Variants in TRIM7 observed in about 807,000 individuals in gnomAD.
TRIM7 encodes E3 ubiquitin-protein ligase TRIM7.
In TRIM7, 32 loss-of-function variants were observed where a neutral mutation model predicts 37.9. The ratio of observed to expected loss-of-function variants is 0.84; its 90% CI spans 0.64 to 1.13. The LOEUF (loss-of-function observed/expected upper bound fraction) is 1.13, where lower values mean the gene tolerates loss of function less well. TRIM7 is among the 50% of genes most tolerant of loss of function. The pLI is 0.00. For missense variants in TRIM7, 732 were observed against 714.0 expected, an observed-to-expected ratio of 1.03 and a Z score of -0.29; for synonymous variants, 351 against 321.3, an observed-to-expected ratio of 1.09 and a Z score of -0.99.
chr5:181,203,280 G>C, intron 2 of TRIM7: 2 of 1,301,682 alleles, frequency 1.5e-6, no homozygotes, highest in Non-Finnish European at 1.9e-6. Flanking sequence ...ATATCAGAGT[G>C]ACTGAGCGTC....
In TRIM7 at chr5:181,204,928, G is replaced by T. The variant is rs2113099835; in HGVS notation, c.183C>A (p.Gly61=). 2.1e-6 allele frequency: 3 copies of T among 1,405,922 alleles called. No individual in the cohort carries two copies. Among genetic ancestry groups the T allele is most frequent in the South Asian group, 1.5e-5 (1 of 65,502 alleles). 87.1% of individuals were successfully genotyped at this position (1,405,922 alleles called of 1,614,324 possible). A position where few individuals can be genotyped will look rare whatever the true frequency, so the allele number is the denominator to read the frequency against. The part of the protein sequence containing the change: ...ACIGRCWERP[G]AGSVGAATRA... ...GGGTGGCGGCCCCAACAGACCCCGC[G>T]CCCGGGCGCTCCCAGCAGCGCCCTA... The change falls in exon 1 of 7, where the codon GGC becomes GGA. Residue 61 remains glycine (G), a synonymous_variant. Coordinates refer to ENST00000274773, the MANE Select transcript of TRIM7 (RefSeq NM_203293.3).
intron 2 of TRIM7, chr5:181,200,586 T>C (rs1228759287): frequency 2.0e-6 from 2 of 1,002,806 alleles, no homozygotes; most frequent in Non-Finnish European, 2.4e-6. Flanking sequence ...TTGGGAGATG[T>C]AGGAAAGTAG....
chr5:181,195,447 G>C lies in TRIM7; in HGVS notation c.1255C>G (p.Arg419Gly), dbSNP rs762257274. The C allele has an allele frequency of 5.7e-5, 91 of 1,609,228 alleles. No individual in the cohort carries two copies. The Middle Eastern group carries it at 8.3e-4, about 15-fold the overall frequency. The change falls in exon 7 of 7, where the codon CGC becomes GGC. Residue 419 changes from arginine to glycine, a missense_variant. Arg to Gly is a moderately radical substitution (Grantham distance 125). Coordinates refer to ENST00000274773, the MANE Select transcript of TRIM7 (RefSeq NM_203293.3). The part of the protein sequence containing the change: ...WAFGVARESV[R>G]RKGLTPFTPE... ...GTGAAGGGCGTCAGGCCCTTTCGGC[G>C]CACGCTCTCGCGGGCCACGCCAAAG... is the stretch of plus-strand genomic sequence containing the variant.
chr5:181,195,710 G>T, intron 6 of TRIM7, 33 bp from the exon 7 acceptor site: 1 of 1,507,252 alleles, frequency 6.6e-7, no homozygotes, highest in South Asian at 1.3e-5. Context: ...ATGTCCCCAC[G>T]CAGCCAGGCC....
chr5:181,204,338 G>T, intron 1 of TRIM7: 2 of 1,203,670 alleles, frequency 1.7e-6, no homozygotes, highest in Non-Finnish European at 2.1e-6. Context: ...GGGACGTCGC[G>T]CAGGCGGCCC....
chr5:181,203,645 A>G lies in TRIM7; in HGVS notation c.523-5T>C, dbSNP rs770854384. ...CAGCCTGGACTCCAAGAGCTCCTGT[A>G]GATGAAGGGAAACAATGTAAGGTGG... On this transcript the variant is annotated splice_polypyrimidine_tract_variant and splice_region_variant and intron_variant, in intron 1 of 6. Transcript: ENST00000274773. The G allele has an allele frequency of 6.2e-7, 1 of 1,606,552 alleles. No individual in the cohort carries two copies. Among genetic ancestry groups the G allele is most frequent in the South Asian group, 1.1e-5 (1 of 90,026 alleles).
chr5:181,200,125 C>T (rs1469338787), intron 2 of TRIM7, 44 bp from the exon 3 acceptor site: 1 of 1,614,222 alleles, frequency 6.2e-7, no homozygotes, highest in Non-Finnish European at 8.5e-7. Context: ...AACATGGAGA[C>T]ATAACATTTG....
intron 3 of TRIM7, 193 bp downstream of exon 3, chr5:181,199,657 TG>T: frequency 1.3e-6 from 1 of 796,726 alleles, no homozygotes; most frequent in Non-Finnish European, 1.9e-6. Context: ...TATATTATTG[TG>T]GCTCATAGTC....
intron 6 of TRIM7, 159 bp from the exon 7 acceptor site, chr5:181,195,836 TC>T: frequency 2.2e-6 from 2 of 894,996 alleles, no homozygotes; most frequent in Non-Finnish European, 3.1e-6. Flanking sequence ...ACGCTCTGCC[TC>T]CCAGAGATTT....
chr5:181,198,314 C>T, intron 5 of TRIM7, 96 bp from the exon 6 acceptor site: 1 of 1,300,646 alleles, frequency 7.7e-7, no homozygotes, highest in South Asian at 1.2e-5. Context: ...CTCATTCATT[C>T]CCCAGAGACT....
In TRIM7 at chr5:181,195,520, C is replaced by G. The variant is rs773773428; in HGVS notation, c.1182G>C (p.Ser394=). Residue 394 remains serine, a synonymous_variant, in exon 7 of 7, where the codon TCG becomes TCC. Coordinates refer to ENST00000274773, the MANE Select transcript of TRIM7 (RefSeq NM_203293.3). Reference sequence around the variant, plus strand: ...CCTCCACCTCCCAGTGATGCCGGCCCGAGGAGAAGCCGCAGGACGCCAGGA... The same window carrying G: ...CCTCCACCTCCCAGTGATGCCGGCCGGAGGAGAAGCCGCAGGACGCCAGGA... ...TRVLASCGFS[S]GRHHWEVEVG... is the part of the protein sequence containing the mutation. 1.1e-5 allele frequency: 17 copies of G among 1,612,424 alleles called. No individual in the cohort carries two copies. The highest frequency in any genetic ancestry group is 1.7e-5 in the Admixed American group (1 of 59,970).
At position 181,195,523 on chromosome 5, in the gene TRIM7, G is replaced by C; in HGVS notation, c.1179C>G (p.Ser393=). 6.2e-7 allele frequency: 1 copy of C among 1,612,702 alleles called. No individual in the cohort carries two copies. The highest frequency in any genetic ancestry group is 1.3e-5 in the African/African-American group (1 of 75,046). ...CCACCTCCCAGTGATGCCGGCCCGAGGAGAAGCCGCAGGACGCCAGGACGC... is the reference window on the plus strand; with the variant it reads ...CCACCTCCCAGTGATGCCGGCCCGACGAGAAGCCGCAGGACGCCAGGACGC... The part of the protein sequence containing the change: ...NTRVLASCGF[S]SGRHHWEVEV... Residue 393 remains serine, a synonymous_variant, in exon 7 of 7, where the codon TCC becomes TCG. Coordinates refer to ENST00000274773, the MANE Select transcript of TRIM7 (RefSeq NM_203293.3).
chr5:181,195,600 C>T lies in TRIM7; in HGVS notation c.1102G>A (p.Glu368Lys). The part of the protein sequence containing the change: ...SLDLKGVRLG[E>K]RAQDLPNHPC... Reference sequence around the variant, plus strand: ...TGGTTGGGCAGGTCCTGGGCCCGCTCGCCGAGGCGCACGCCCTTAAGATCC... The same window carrying T: ...TGGTTGGGCAGGTCCTGGGCCCGCTTGCCGAGGCGCACGCCCTTAAGATCC... The change falls in exon 7 of 7, where the codon GAG (glutamate) becomes AAG (lysine). Residue 368 changes from glutamate to lysine, a missense_variant. By Grantham distance (56) the Glu-to-Lys change is moderately conservative. Coordinates refer to ENST00000274773, the MANE Select transcript of TRIM7 (RefSeq NM_203293.3). The T allele has an allele frequency of 6.3e-7, 1 of 1,589,212 alleles. No individual in the cohort carries two copies.
chr5:181,205,180 G>A lies in TRIM7; in HGVS notation c.-70C>T, dbSNP rs943540534. 14 of 1,261,690 alleles carry A rather than the reference G, an allele frequency of 1.1e-5. No individual in the cohort carries two copies. The highest frequency in any genetic ancestry group is 1.4e-5 in the Non-Finnish European group (14 of 1,000,336). The allele number at this position is 1,261,690 out of a possible 1,614,324, so 78.2% of individuals were successfully genotyped here. A position where few individuals can be genotyped will look rare whatever the true frequency, so the allele number is the denominator to read the frequency against. On this transcript the variant is annotated 5_prime_UTR_variant, in exon 1 of 7. Coordinates refer to ENST00000274773, the MANE Select transcript of TRIM7 (RefSeq NM_203293.3). ...CTGGACCTCACAGGACGCGGAGCTG[G>A]GCGCCGAGGGCCCACTGGGAGAGGA...
chr5:181,203,456 A>G (rs1024362931), intron 2 of TRIM7, 89 bp downstream of exon 2: 1 of 1,569,264 alleles, frequency 6.4e-7, no homozygotes, highest in Non-Finnish European at 8.6e-7. Context: ...TCCATAGCAC[A>G]CACTCCAACA....
chr5:181,203,707 C>T (rs1757649469), intron 1 of TRIM7, 67 bp from the exon 2 acceptor site: 1 of 1,539,606 alleles, frequency 6.5e-7, no homozygotes, highest in Non-Finnish European at 8.7e-7. Flanking sequence ...CCTCTGCCTT[C>T]CTGGAGCCAG....
rs1561653424 is a variant in TRIM7, at chr5:181,204,926, GC to G, written c.184del (p.Ala62ArgfsTer120). 7.1e-7 allele frequency: 1 copy of G among 1,404,188 alleles called. No homozygotes were observed. Among genetic ancestry groups the G allele is most frequent in the Admixed American group, 3.6e-5 (1 of 28,066 alleles). The allele number at this position is 1,404,188 out of a possible 1,614,324, so 87.0% of individuals were successfully genotyped here. On this transcript the variant is annotated frameshift_variant, in exon 1 of 7. Transcript: ENST00000274773. LOFTEE classifies it high-confidence loss of function. Reference protein sequence around the residue: ...CIGRCWERPGAGSVGAATRAP... With the variant: ...CIGRCWERPGXGSVGAATRAP... ...GCGGGTGGCGGCCCCAACAGACCCC[GC>G]GCCCGGGCGCTCCCAGCAGCGCCCT... is the stretch of plus-strand genomic sequence containing the variant.
Position 181,204,963 on chromosome 5 carries a change from G to T in TRIM7, c.148C>A (p.Arg50Ser). 1.4e-6 allele frequency: 2 copies of T among 1,475,026 alleles called. No individual in the cohort carries two copies. The highest frequency in any genetic ancestry group is 1.8e-6 in the Non-Finnish European group (2 of 1,121,488). 91.4% of individuals were successfully genotyped at this position (1,475,026 alleles called of 1,614,324 possible). ...VSVECGHSFC[R>S]ACIGRCWERP... is the part of the protein sequence containing the mutation. ...TCCCAGCAGCGCCCTATGCAGGCGC[G>T]GCAGAAGCTGTGGCCGCACTCGACG... Residue 50 changes from arginine (R) to serine (S), a missense_variant, in exon 1 of 7, where the codon CGC becomes AGC. Physicochemically the swap from Arg to Ser is moderately radical, Grantham distance 110 (BLOSUM62 -1). Transcript: ENST00000274773.
In TRIM7 at chr5:181,195,382, G is replaced by A; in HGVS notation, c.1320C>T (p.Gly440=). 1.3e-6 allele frequency: 2 copies of A among 1,581,732 alleles called. No individual in the cohort carries two copies. Among genetic ancestry groups the A allele is most frequent in the Non-Finnish European group, 1.7e-6 (2 of 1,164,122 alleles). Residue 440 remains glycine (G), a synonymous_variant, in exon 7 of 7, where the codon GGC becomes GGT. Coordinates refer to ENST00000274773, the MANE Select transcript of TRIM7 (RefSeq NM_203293.3). ...EGVWALQLNG[G]QYWAVTSPER... ...CGGGGCTGGTCACGGCCCAGTACTGGCCGCCGTTGAGCTGCAGGGCCCAGA... is the reference window on the plus strand; with the variant it reads ...CGGGGCTGGTCACGGCCCAGTACTGACCGCCGTTGAGCTGCAGGGCCCAGA...
Sources: gnomAD v4.1 joint callset for allele counts on GRCh38, gnomAD v4.1.1 for gene constraint, MANE v1.5 for transcripts, NCBI Gene and HGNC (gene_info 2026-07-23, HGNC 2026-07-21) for gene names.